Variants in MALRD1 observed in about 807,000 individuals in gnomAD.
MALRD1 encodes the protein MAM and LDL receptor class A domain containing 1, also known as MAM and LDL-receptor class A domain-containing protein 1.
Under a neutral mutation model 242.1 loss-of-function variants are expected in MALRD1, and 247 were observed. That is an observed-to-expected ratio of 1.02 (90% CI 0.92 to 1.13). MALRD1 has a LOEUF of 1.13. MALRD1 is among the 50% of genes most tolerant of loss of function. The pLI, the probability that MALRD1 is intolerant of heterozygous loss-of-function variation, is 0.00. For synonymous variants in MALRD1, 995 were observed against 866.6 expected (o/e 1.15, Z -2.60); for missense variants, 2,989 against 2,533.1 (o/e 1.18, Z -3.86).
chr10:19,257,592 C>A, intron 18 of MALRD1, 92 bp from the exon 19 acceptor site: 1 of 972,358 alleles, frequency 1.0e-6, no homozygotes. Flanking sequence ...TATTTGGGTA[C>A]ATTTTAAATT....
chr10:19,297,990 G>A (rs796796341), intron 21 of MALRD1, among the ~76,000 whole-genome samples: 1 of 151,934 alleles, frequency 6.6e-6, no homozygotes, highest in Non-Finnish European at 1.5e-5. Context: ...CGGCTTGGGA[G>A]TTGTCTTCAT....
chr10:19,081,088 T>G (rs1835476109), intron 2 of MALRD1, among the ~76,000 whole-genome samples: 1 of 152,030 alleles, frequency 6.6e-6, no homozygotes, highest in Non-Finnish European at 1.5e-5. Flanking sequence ...CCAGTCAGAA[T>G]AGCGATTATT....
chr10:19,326,747 A>G (rs1843151191), intron 22 of MALRD1, among the ~76,000 whole-genome samples: 1 of 152,138 alleles, frequency 6.6e-6, no homozygotes, highest in Non-Finnish European at 1.5e-5. Context: ...TAATCATTAA[A>G]ATTCATCTTC....
intron 5 of MALRD1, among the ~76,000 whole-genome samples, chr10:19,109,086 A>G (rs1836580665): frequency 6.6e-6 from 1 of 152,194 alleles, no homozygotes; most frequent in Non-Finnish European, 1.5e-5. Context: ...ATTTGGGCAC[A>G]GTAGTGTAGT....
At chr10:19,470,692 A>G (rs1294167240) in intron 29 of MALRD1, among the ~76,000 whole-genome samples, 4 of 151,864 alleles carry the variant, frequency 2.6e-5, no homozygotes, top group African/African-American at 4.8e-5. Flanking sequence ...GATATTGTCC[A>G]TGTTTTCATA....
At chr10:19,208,083 CA>C (rs1423878004) in intron 17 of MALRD1, among the ~76,000 whole-genome samples, 4 of 58,666 alleles carry the variant, frequency 6.8e-5, no homozygotes, top group African/African-American at 2.4e-4. Context: ...CTCCATTTCA[CA>C]TTTTTTTTTT....
intron 36 of MALRD1, among the ~76,000 whole-genome samples, chr10:19,689,198 G>C (rs557516297): frequency 6.6e-6 from 1 of 152,228 alleles, no homozygotes; most frequent in Admixed American, 6.5e-5. Flanking sequence ...TCTATTGCAG[G>C]AAACACACAT....
chr10:19,316,946 G>T (rs2132013274), intron 21 of MALRD1, among the ~76,000 whole-genome samples: 1 of 151,736 alleles, frequency 6.6e-6, no homozygotes, highest in Non-Finnish European at 1.5e-5. Context: ...AAGGATAAAT[G>T]CTTGAGGAGA....
At chr10:19,096,076 G>T (rs4748550) in intron 4 of MALRD1, among the ~76,000 whole-genome samples, 1 of 151,922 alleles carries the variant, frequency 6.6e-6, no homozygotes, top group Non-Finnish European at 1.5e-5. Flanking sequence ...CTTTTTAGAC[G>T]TGTCTATGTT....
chr10:19,593,558 A>G (rs1837925757), intron 33 of MALRD1, among the ~76,000 whole-genome samples: 2 of 152,188 alleles, frequency 1.3e-5, no homozygotes, highest in Non-Finnish European at 2.9e-5. Context: ...ACTTGGCTCT[A>G]TATTTTCCCT....
intron 21 of MALRD1, among the ~76,000 whole-genome samples, chr10:19,283,601 C>T (rs747239409): frequency 5.9e-5 from 9 of 151,946 alleles, no homozygotes; most frequent in Non-Finnish European, 8.8e-5. Flanking sequence ...TGTCTTCCTA[C>T]TTTTTCTCAC....
chr10:19,337,919 G>A (rs936119365), intron 24 of MALRD1, among the ~76,000 whole-genome samples: 1 of 151,958 alleles, frequency 6.6e-6, no homozygotes, highest in East Asian at 1.9e-4. Flanking sequence ...AAAATTAGCT[G>A]GGCGTGGTGA....
intron 23 of MALRD1, among the ~76,000 whole-genome samples, chr10:19,330,040 G>C (rs1843298033): frequency 6.6e-6 from 1 of 152,006 alleles, no homozygotes; most frequent in African/African-American, 2.4e-5. Context: ...TTTATATTTT[G>C]CATATCAATA....
intron 4 of MALRD1, among the ~76,000 whole-genome samples, chr10:19,099,444 T>C (rs2358306): frequency 0.54 from 82,526 of 151,876 alleles, 22,579 homozygotes; most frequent in Middle Eastern, 0.6. Context: ...AGAGGTCATC[T>C]ATCTTCTCTT....
chr10:19,663,159 A>G (rs1841523779), intron 36 of MALRD1, among the ~76,000 whole-genome samples: 1 of 152,020 alleles, frequency 6.6e-6, no homozygotes, highest in Admixed American at 6.6e-5. Context: ...GTAATTTTCC[A>G]TCCCTCACCC....
intron 35 of MALRD1, among the ~76,000 whole-genome samples, chr10:19,615,515 T>TAAAAAAAAAAAAA (rs1839105501): frequency 7.0e-5 from 1 of 14,238 alleles, no homozygotes; most frequent in African/African-American, 8.4e-4. Context: ...AGACCCTGCC[T>TAAAAAAAAAAAAA]CAAAAAAAAA....
At chr10:19,673,156 G>A (rs1002566526) in intron 36 of MALRD1, among the ~76,000 whole-genome samples, 1 of 152,104 alleles carries the variant, frequency 6.6e-6, no homozygotes, top group African/African-American at 2.4e-5. Context: ...GCTGAGGAGG[G>A]CAGATCCCGA....
At chr10:19,693,335 C>A (rs1021082532) in intron 38 of MALRD1, among the ~76,000 whole-genome samples, 15 of 152,028 alleles carry the variant, frequency 9.9e-5, no homozygotes, top group Admixed American at 3.3e-4. Flanking sequence ...CCCATCGTCT[C>A]AGCCCAAAAT....
rs190486330 is a variant in MALRD1 at position 19,385,760 on chromosome 10, G to C, written c.4442-1768G>C. On this transcript the variant is annotated intron_variant, in intron 26 of 39. Coordinates refer to ENST00000454679, the MANE Select transcript of MALRD1 (RefSeq NM_001142308.3). The stretch of plus-strand genomic sequence containing the variant: ...TGTTCTAATCTTTATAATTATTTTT[G>C]TTCTGCTAACTTCGGCCTTAGTTCT... Among the ~76,000 whole-genome samples the C allele has an allele frequency of 2.7e-3, 414 of 151,456 alleles. 4 individuals carry two copies. The highest frequency in any genetic ancestry group is 9.5e-3 in the African/African-American group (391 of 41,308).
Sources: allele counts gnomAD v4.1 joint callset (sites outside exome capture counted in the v4.1 genomes callset), GRCh38; gene constraint gnomAD v4.1.1; transcripts MANE v1.5; gene names NCBI Gene and HGNC (gene_info 2026-07-23, HGNC 2026-07-21).